The following NATD1 variants were observed in gnomAD, a reference collection of about 807,000 sequenced individuals.
The protein encoded by NATD1 is N-acetyltransferase domain containing 1.
A neutral mutation model predicts 12.0 loss-of-function variants in NATD1; 9 were observed. That is an observed-to-expected ratio of 0.75 (90% CI 0.45 to 1.30). NATD1 has a LOEUF of 1.30. NATD1 is among the 50% of genes most tolerant of loss of function. NATD1 has a pLI of 0.00. For synonymous variants in NATD1, 71 were observed against 65.9 expected, an observed-to-expected ratio of 1.08 and a Z score of -0.37; for missense variants, 148 against 148.5, an observed-to-expected ratio of 1.00 and a Z score of 0.02.
At chr17:21,251,080 C>T (rs2144369464) in intron 1 of NATD1, among the ~76,000 whole-genome samples, 1 of 152,286 alleles carries the variant, frequency 6.6e-6, no homozygotes, top group East Asian at 1.9e-4. Context: ...CCCTGTGCTG[C>T]ACAGCCACTC....
In NATD1 at chr17:21,253,167, C is replaced by G; in HGVS notation, c.98G>C (p.Arg33Pro). The change falls in exon 1 of 3, where the codon CGG (arginine) becomes CCG (proline). Residue 33 changes from arginine (R) to proline (P), a missense_variant. Coordinates refer to ENST00000611551, the MANE Select transcript of NATD1 (RefSeq NM_152914.3). ...HDRRRRQFTV[R>P]LNGCHDRAVL... ...GGCCGGGGCCGCCTTACCGTTGAGC[C>G]GGACAGTGAACTGGCGGCGCCGGCG... 9.8e-7 allele frequency: 1 copy of G among 1,019,302 alleles called. No individual in the cohort carries two copies. Among genetic ancestry groups the G allele is most frequent in the Non-Finnish European group, 1.2e-6 (1 of 853,422 alleles). 63.1% of individuals were successfully genotyped at this position (1,019,302 alleles called of 1,614,324 possible).
At chr17:21,249,936 C>T (rs976653336) in intron 1 of NATD1, among the ~76,000 whole-genome samples, 2 of 152,214 alleles carry the variant, frequency 1.3e-5, no homozygotes, top group Non-Finnish European at 2.9e-5. Flanking sequence ...CCCTCATCAC[C>T]CACAAGCAAG....
At position 21,243,066 on chromosome 17, in the gene NATD1, A is replaced by G; in HGVS notation, c.*247T>C. On this transcript the variant is annotated 3_prime_UTR_variant, in exon 3 of 3. Transcript: ENST00000611551. ...CGTGTGACCCACAGGCCTCCCACGA[A>G]GCCGCTGGTCTCTGCAGAGTGAGAG... 1 of 421,436 alleles carries G rather than the reference A, an allele frequency of 2.4e-6. No individual in the cohort carries two copies. The highest frequency in any genetic ancestry group is 2.0e-5 in the African/African-American group (1 of 50,754). The allele number at this position is 421,436 out of a possible 1,614,324, so 26.1% of individuals were successfully genotyped here. A position where few individuals can be genotyped will look rare whatever the true frequency, so the allele number is the denominator to read the frequency against.
chr17:21,246,541 G>C (rs1975326621), intron 1 of NATD1, among the ~76,000 whole-genome samples: 3 of 141,164 alleles, frequency 2.1e-5, no homozygotes, highest in Non-Finnish European at 3.2e-5. Context: ...AAAAAAAAAA[G>C]CTGAGCATGG....
rs1975253614 is a variant in NATD1 at position 21,240,139 on chromosome 17, G to A, written c.*3174C>T. On this transcript the variant is annotated 3_prime_UTR_variant, in exon 3 of 3. Transcript: ENST00000611551. The stretch of plus-strand genomic sequence containing the variant: ...CAAAGCCACTCAGCTTCATAGCTGG[G>A]CTGTGGCCTCAGAGGCTTTTGTGCC... 1 of 152,342 alleles carries A rather than the reference G, an allele frequency of 6.6e-6. No homozygotes were observed. Among genetic ancestry groups the A allele is most frequent in the South Asian group, 2.1e-4 (1 of 4,836 alleles). The allele number at this position is 152,342 out of a possible 1,614,324, so 9.4% of individuals were successfully genotyped here. A position where few individuals can be genotyped will look rare whatever the true frequency, so the allele number is the denominator to read the frequency against.
rs1975245616 is a variant in NATD1 at position 21,239,498 on chromosome 17, A to G, written c.*3815T>C. 1 of 152,248 alleles carries G rather than the reference A, an allele frequency of 6.6e-6. No homozygotes were observed. Among genetic ancestry groups the G allele is most frequent in the South Asian group, 2.1e-4 (1 of 4,826 alleles). 9.4% of individuals were successfully genotyped at this position (152,248 alleles called of 1,614,324 possible). A position where few individuals can be genotyped will look rare whatever the true frequency, so the allele number is the denominator to read the frequency against. The stretch of plus-strand genomic sequence containing the variant: ...TGCTGTGAAAACGAAGTGGAGTAAG[A>G]TTGCAACGGGGCCTGGTGAGGTGGC... On this transcript the variant is annotated 3_prime_UTR_variant, in exon 3 of 3. Coordinates refer to ENST00000611551, the MANE Select transcript of NATD1 (RefSeq NM_152914.3).
rs1262525727 is a variant in NATD1 at position 21,253,275 on chromosome 17, G to GGCTGCGGCGCGGC, written c.-24_-12dup. 1.4e-5 allele frequency: 14 copies of GGCTGCGGCGCGGC among 984,882 alleles called. No individual in the cohort carries two copies. Among genetic ancestry groups the GGCTGCGGCGCGGC allele is most frequent in the Non-Finnish European group, 1.7e-5 (14 of 829,530 alleles). 61.0% of individuals were successfully genotyped at this position (984,882 alleles called of 1,614,324 possible). On this transcript the variant is annotated 5_prime_UTR_variant, in exon 1 of 3. Coordinates refer to ENST00000611551, the MANE Select transcript of NATD1 (RefSeq NM_152914.3). Reference sequence around the variant, plus strand: ...AGCCGAGTGCGCCATCTGCGCGCGGGGCTGCGGCGCGGCGCCGGCGGGGGC... The same window carrying GGCTGCGGCGCGGC: ...AGCCGAGTGCGCCATCTGCGCGCGGGGCTGCGGCGCGGCGCTGCGGCGCGGCGCCGGCGGGGGC...
chr17:21,249,268 C>A lies in NATD1; in HGVS notation c.106+3891G>T, dbSNP rs552820848. 4.6e-5 allele frequency among the ~76,000 whole-genome samples: 7 copies of A among 152,316 alleles called. No homozygotes were observed. In the South Asian group the frequency reaches 1.4e-3, roughly 32 times the overall value. ...GAGGTAGACGGAGGCAGAGCCCAGG[C>A]GCCAGAGCTGTGGCACGGGACAAGG... On this transcript the variant is annotated intron_variant, in intron 1 of 2. Coordinates refer to ENST00000611551, the MANE Select transcript of NATD1 (RefSeq NM_152914.3).
Position 21,240,464 on chromosome 17 carries a change from A to C in NATD1, c.*2849T>G, listed in dbSNP as rs1404472409. 1.3e-5 allele frequency: 2 copies of C among 152,604 alleles called. No individual in the cohort carries two copies. Among genetic ancestry groups the C allele is most frequent in the African/African-American group, 4.8e-5 (2 of 41,468 alleles). The allele number at this position is 152,604 out of a possible 1,614,324, so 9.5% of individuals were successfully genotyped here. A position where few individuals can be genotyped will look rare whatever the true frequency, so the allele number is the denominator to read the frequency against. ...CAGCGTGCAGACAGCACTGCATGCCAGGCCACACCTTTTATGGAAATGTTC... is the reference window on the plus strand; with the variant it reads ...CAGCGTGCAGACAGCACTGCATGCCCGGCCACACCTTTTATGGAAATGTTC... On this transcript the variant is annotated 3_prime_UTR_variant, in exon 3 of 3. Coordinates refer to ENST00000611551, the MANE Select transcript of NATD1 (RefSeq NM_152914.3).
intron 2 of NATD1, 109 bp downstream of exon 2, chr17:21,243,997 G>A: frequency 1.0e-6 from 1 of 980,258 alleles, no homozygotes; most frequent in Non-Finnish European, 1.5e-6. Flanking sequence ...AGAGGACCCA[G>A]GGCCAAGAAG....
At chr17:21,252,272 CATTGTG>C (rs11278331) in intron 1 of NATD1, among the ~76,000 whole-genome samples, 50,707 of 151,918 alleles carry the variant, frequency 0.33, 8,955 homozygotes, top group African/African-American at 0.43. Context: ...GTCACAGGAA[CATTGTG>C]TCGCCTGGGC....
At chr17:21,249,053 G>A (rs962325951) in intron 1 of NATD1, among the ~76,000 whole-genome samples, 1 of 152,092 alleles carries the variant, frequency 6.6e-6, no homozygotes, top group Non-Finnish European at 1.5e-5. Context: ...GGGACCAAAG[G>A]GGGCCAGGAA....
chr17:21,248,595 A>T (rs752230480), intron 1 of NATD1, among the ~76,000 whole-genome samples: 4 of 152,156 alleles, frequency 2.6e-5, no homozygotes, highest in Non-Finnish European at 5.9e-5. Flanking sequence ...ACAGCAGGAC[A>T]CCAGGGTAGC....
Position 21,243,289 on chromosome 17 carries a change from A to G in NATD1, c.*24T>C, listed in dbSNP as rs754819797. 2 of 1,598,292 alleles carry G rather than the reference A, an allele frequency of 1.3e-6. No individual in the cohort carries two copies. Among genetic ancestry groups the G allele is most frequent in the Admixed American group, 3.4e-5 (2 of 59,552 alleles). ...GGCCACGTGGAAGAGTCCGGCAGGG[A>G]GCGCTCCCGCCTGCAGGCCAGGGTT... On this transcript the variant is annotated 3_prime_UTR_variant, in exon 3 of 3. Coordinates refer to ENST00000611551, the MANE Select transcript of NATD1 (RefSeq NM_152914.3).
intron 1 of NATD1, among the ~76,000 whole-genome samples, chr17:21,250,723 T>C (rs1329633183): frequency 1.3e-5 from 2 of 152,152 alleles, no homozygotes; most frequent in African/African-American, 2.4e-5. Flanking sequence ...GCCCAGGGCC[T>C]CCTAGAACAC....
Position 21,253,225 on chromosome 17 carries a change from C to T in NATD1, c.40G>A (p.Glu14Lys). ...TCCACGCGGATGGGGCAGCCCTGCT[C>T]CAGCGCGCCCAGCGGCACGGCGGCA... ...SAAAVPLGALEQGCPIRVEHD... is the reference protein window; with the variant it reads ...SAAAVPLGALKQGCPIRVEHD... The change falls in exon 1 of 3, where the codon GAG becomes AAG. Residue 14 changes from glutamate to lysine, a missense_variant. Transcript: ENST00000611551. The T allele has an allele frequency of 1.0e-6, 1 of 1,003,148 alleles. No individual in the cohort carries two copies. 62.1% of individuals were successfully genotyped at this position (1,003,148 alleles called of 1,614,324 possible).
intron 1 of NATD1, among the ~76,000 whole-genome samples, chr17:21,251,467 G>A (rs901076397): frequency 6.6e-6 from 1 of 152,122 alleles, no homozygotes; most frequent in Non-Finnish European, 1.5e-5. Context: ...CTGGCCAGCT[G>A]AGCCCTGCCA....
intron 1 of NATD1, among the ~76,000 whole-genome samples, chr17:21,249,610 G>A (rs1331424801): frequency 6.6e-6 from 1 of 152,206 alleles, no homozygotes; most frequent in Non-Finnish European, 1.5e-5. Context: ...CTTCCTGGCT[G>A]CAAAATGGGG....
rs539845223 is a variant in NATD1 at position 21,239,021 on chromosome 17, T to C, written c.*4292A>G. Reference sequence around the variant, plus strand: ...GAACTCTTATGTAAAGTTTAGGGCATTGGATCTGGAAGGAGTGGGACCCTG... The same window carrying C: ...GAACTCTTATGTAAAGTTTAGGGCACTGGATCTGGAAGGAGTGGGACCCTG... On this transcript the variant is annotated 3_prime_UTR_variant, in exon 3 of 3. Coordinates refer to ENST00000611551, the MANE Select transcript of NATD1 (RefSeq NM_152914.3). 3.9e-5 allele frequency: 6 copies of C among 152,160 alleles called. No individual in the cohort carries two copies. The highest frequency in any genetic ancestry group is 9.7e-5 in the African/African-American group (4 of 41,434). 9.4% of individuals were successfully genotyped at this position (152,160 alleles called of 1,614,324 possible).
Sources: gnomAD v4.1 joint callset for allele counts (sites outside exome capture counted in the v4.1 genomes callset) on GRCh38, gnomAD v4.1.1 for gene constraint, MANE v1.5 for transcripts, NCBI Gene and HGNC (gene_info 2026-07-23, HGNC 2026-07-21) for gene names.